Variants in CCDC138 observed in about 807,000 individuals in gnomAD.
The protein encoded by CCDC138 is coiled-coil domain containing 138, also known as coiled-coil domain-containing protein 138.
In CCDC138, 66 loss-of-function variants were observed where a neutral mutation model predicts 82.3. The observed-to-expected ratio is 0.80, with a 90% CI of 0.66 to 0.98. The LOEUF (loss-of-function observed/expected upper bound fraction) is 0.98, where lower values mean the gene tolerates loss of function less well. CCDC138 is among the 50% of genes least tolerant of loss of function. CCDC138 has a pLI of 0.00. For missense variants in CCDC138, 816 were observed against 758.9 expected, an observed-to-expected ratio of 1.08 and a Z score of -0.88; for synonymous variants, 297 against 265.4, an observed-to-expected ratio of 1.12 and a Z score of -1.16.
chr2:108,869,154 C>T (rs112815072), intron 13 of CCDC138, among the ~76,000 whole-genome samples: 3 of 151,888 alleles, frequency 2.0e-5, no homozygotes, highest in African/African-American at 7.3e-5. Flanking sequence ...CACAGAAACA[C>T]CAAATAAATA....
intron 12 of CCDC138, among the ~76,000 whole-genome samples, chr2:108,848,846 A>G (rs746657127): frequency 3.0e-4 from 46 of 152,328 alleles, no homozygotes; most frequent in Middle Eastern, 3.4e-3. Flanking sequence ...ACTTCATATT[A>G]TGTATTGAAT....
rs1368247740 is a variant in CCDC138, at chr2:108,863,508, G to C, written c.1693+6538G>C. Among the ~76,000 whole-genome samples, 6 of 152,308 alleles carry C rather than the reference G, an allele frequency of 3.9e-5. No individual in the cohort carries two copies. The East Asian group carries it at 1.2e-3, about 29-fold the overall frequency. On this transcript the variant is annotated intron_variant, in intron 13 of 14. Transcript: ENST00000295124. Reference sequence around the variant, plus strand: ...AAGTAGAAGAACCAGGAAACAAGCTGGGGTGCTCATTGGGAAGAGCTTTGT... The same window carrying C: ...AAGTAGAAGAACCAGGAAACAAGCTCGGGTGCTCATTGGGAAGAGCTTTGT...
downstream of CCDC138, chr2:108,878,497 C>T (rs944733642): frequency 9.3e-6 from 2 of 215,802 alleles, no homozygotes; most frequent in Non-Finnish European, 9.9e-6. Flanking sequence ...CATATTTATG[C>T]TGTATCAAGG....
chr2:108,812,663 A>G lies in CCDC138; in HGVS notation c.888A>G (p.Ile296Met). 2.5e-6 allele frequency: 4 copies of G among 1,612,942 alleles called. No homozygotes were observed. The highest frequency in any genetic ancestry group is 2.5e-6 in the Non-Finnish European group (3 of 1,179,002). The change falls in exon 8 of 15, where the codon ATA (isoleucine) becomes ATG (methionine). Residue 296 changes from isoleucine (I) to methionine (M), a missense_variant. Ile to Met is a conservative substitution (Grantham distance 10). Transcript: ENST00000295124. ...AAGCAAGTGAAGAAAACAGGAAGATAGACATTCAGGCTAAAAGAGTTCAAG... is the reference window on the plus strand; with the variant it reads ...AAGCAAGTGAAGAAAACAGGAAGATGGACATTCAGGCTAAAAGAGTTCAAG... Reference protein sequence around the residue: ...LNEASEENRKIDIQAKRVQAR... With the variant: ...LNEASEENRKMDIQAKRVQAR...
chr2:108,827,410 T>C (rs1222702036), intron 10 of CCDC138, among the ~76,000 whole-genome samples: 1 of 152,226 alleles, frequency 6.6e-6, no homozygotes, highest in African/African-American at 2.4e-5. Context: ...ACTACAAATT[T>C]TATTTAATGA....
intron 5 of CCDC138, among the ~76,000 whole-genome samples, chr2:108,796,230 A>C (rs1358564841): frequency 1.4e-5 from 2 of 142,942 alleles, no homozygotes; most frequent in African/African-American, 5.2e-5. Context: ...TTTTTTTTGT[A>C]TTTTTAGTAG....
intron 5 of CCDC138, 143 bp downstream of exon 5, chr2:108,794,864 A>G (rs894496069): frequency 6.8e-5 from 44 of 648,242 alleles, no homozygotes; most frequent in Middle Eastern, 4.3e-4. Context: ...ACAAACTCAA[A>G]TTATAGGGAC....
intron 6 of CCDC138, among the ~76,000 whole-genome samples, chr2:108,799,444 C>T (rs966740339): frequency 1.3e-5 from 2 of 152,220 alleles, no homozygotes; most frequent in Non-Finnish European, 2.9e-5. Flanking sequence ...CTTACGCTCT[C>T]TTGTAGCTAT....
chr2:108,843,886 CTTTT>C lies in CCDC138; in HGVS notation c.1324-2833_1324-2830del, dbSNP rs57196170. On this transcript the variant is annotated intron_variant, in intron 11 of 14. Transcript: ENST00000295124. ...TGTGTGTGTGTGTGTGTGTTTCTTT[CTTTT>C]TTTTTTTTTTTTTTTTTTGAGACAG... is the stretch of plus-strand genomic sequence containing the variant. 5.3e-5 allele frequency among the ~76,000 whole-genome samples: 5 copies of C among 94,018 alleles called. 1 individual carries two copies. Among genetic ancestry groups the C allele is most frequent in the Admixed American group, 4.7e-4 (4 of 8,498 alleles). The allele number at this position is 94,018 out of a possible 152,430, so 61.7% of individuals were successfully genotyped here.
At chr2:108,831,533 T>C (rs1687619548) in intron 10 of CCDC138, among the ~76,000 whole-genome samples, 1 of 152,210 alleles carries the variant, frequency 6.6e-6, no homozygotes, top group Non-Finnish European at 1.5e-5. Context: ...ATGAAATGGC[T>C]AGGAAAAGAC....
intron 5 of CCDC138, among the ~76,000 whole-genome samples, chr2:108,797,574 G>C (rs1360549320): frequency 6.6e-6 from 1 of 152,046 alleles, no homozygotes; most frequent in Non-Finnish European, 1.5e-5. Flanking sequence ...GTTCAGATGG[G>C]GTGGGAGAGA....
chr2:108,857,712 A>G (rs1574259468), intron 13 of CCDC138, among the ~76,000 whole-genome samples: 2 of 152,318 alleles, frequency 1.3e-5, no homozygotes, highest in Non-Finnish European at 2.9e-5. Context: ...TCAGTTTACT[A>G]ATGTAAGGAG....
chr2:108,845,884 A>G (rs1472427675), intron 11 of CCDC138, among the ~76,000 whole-genome samples: 1 of 152,142 alleles, frequency 6.6e-6, no homozygotes, highest in Non-Finnish European at 1.5e-5. Context: ...TTTTATTCTT[A>G]ATAGATATAT....
rs115297389 is a variant in CCDC138 at position 108,823,358 on chromosome 2, G to A, written c.1206+7253G>A. Among the ~76,000 whole-genome samples, 688 of 152,296 alleles carry A rather than the reference G, an allele frequency of 4.5e-3. 4 individuals carry two copies. The highest frequency in any genetic ancestry group is 0.016 in the African/African-American group (657 of 41,560). On this transcript the variant is annotated intron_variant, in intron 10 of 14. Coordinates refer to ENST00000295124, the MANE Select transcript of CCDC138 (RefSeq NM_144978.3). Reference sequence around the variant, plus strand: ...ATAAAAAACTATTGACTAATACCTTGATAAATATTGATGCAAAAATCCTCA... The same window carrying A: ...ATAAAAAACTATTGACTAATACCTTAATAAATATTGATGCAAAAATCCTCA...
chr2:108,848,329 T>C (rs1690842531), intron 12 of CCDC138, among the ~76,000 whole-genome samples: 1 of 152,206 alleles, frequency 6.6e-6, no homozygotes, highest in African/African-American at 2.4e-5. Flanking sequence ...TGCAGCAGTT[T>C]TGGACATCTG....
chr2:108,819,108 C>T (rs1375180415), intron 10 of CCDC138, among the ~76,000 whole-genome samples: 1 of 152,124 alleles, frequency 6.6e-6, no homozygotes, highest in Non-Finnish European at 1.5e-5. Context: ...AAGTTTCAGG[C>T]CCTTATTCCT....
intron 12 of CCDC138, 165 bp from the exon 13 acceptor site, chr2:108,856,629 G>A (rs1692646794): frequency 5.5e-6 from 1 of 182,668 alleles, no homozygotes; most frequent in African/African-American, 2.4e-5. Flanking sequence ...ACCCATTTGA[G>A]TTCTGACAAA....
chr2:108,879,834 G>A (rs761479735), downstream of CCDC138, among the ~76,000 whole-genome samples: 4 of 152,080 alleles, frequency 2.6e-5, no homozygotes, highest in Non-Finnish European at 5.9e-5. Flanking sequence ...GTTGTGACTA[G>A]AGTCCTTGAG....
At chr2:108,825,804 G>C (rs1229865270) in intron 10 of CCDC138, among the ~76,000 whole-genome samples, 1 of 151,880 alleles carries the variant, frequency 6.6e-6, no homozygotes, top group Non-Finnish European at 1.5e-5. Flanking sequence ...CATTTTTCTT[G>C]ACTACATACC....
Sources: allele counts gnomAD v4.1 joint callset (sites outside exome capture counted in the v4.1 genomes callset), GRCh38; gene constraint gnomAD v4.1.1; transcripts MANE v1.5; gene names NCBI Gene and HGNC (gene_info 2026-07-23, HGNC 2026-07-21).